The following DGKB variants were observed in gnomAD, a reference collection of about 807,000 sequenced individuals.
DGKB encodes the protein diacylglycerol kinase beta.
In DGKB, 67 loss-of-function variants were observed where a neutral mutation model predicts 114.3. The ratio of observed to expected loss-of-function variants is 0.59; its 90% CI spans 0.48 to 0.72. The LOEUF is 0.72. Ranked by LOEUF, DGKB falls within the 30% of genes least tolerant of loss-of-function variation. The probability of loss-of-function intolerance (pLI) is 0.00; values close to 1 mark genes in which losing one functional copy is unlikely to be tolerated. For synonymous variants in DGKB, 398 were observed against 323.1 expected, an observed-to-expected ratio of 1.23 and a Z score of -2.49; for missense variants, 907 against 975.2, an observed-to-expected ratio of 0.93 and a Z score of 0.93.
intron 1 of DGKB, among the ~76,000 whole-genome samples, chr7:14,957,975 A>C (rs1331629817): frequency 6.6e-6 from 1 of 152,086 alleles, no homozygotes; most frequent in Non-Finnish European, 1.5e-5. Context: ...CAACCTTGTT[A>C]ACAAATAACT....
Position 14,734,020 on chromosome 7 carries a change from CGTGTGTGT to C in DGKB, c.322+2013_322+2020del. On this transcript the variant is annotated intron_variant, in intron 5 of 25. Coordinates refer to ENST00000402815, the MANE Select transcript of DGKB (RefSeq NM_001350709.2). ...TATTGAACTTATCTCTATACCAACACGTGTGTGTGTGTGTGTGTGTGTGTGTGGTGTGT... is the reference window on the plus strand; with the variant it reads ...TATTGAACTTATCTCTATACCAACACGTGTGTGTGTGTGTGTGTGGTGTGT... Among the ~76,000 whole-genome samples, 3 of 148,284 alleles carry C rather than the reference CGTGTGTGT, an allele frequency of 2.0e-5. 1 individual carries two copies. The highest frequency in any genetic ancestry group is 7.4e-5 in the African/African-American group (3 of 40,520).
chr7:14,422,467 A>G (rs1826865100), intron 21 of DGKB, among the ~76,000 whole-genome samples: 1 of 152,072 alleles, frequency 6.6e-6, no homozygotes. Context: ...ACCCATGTAC[A>G]TTTTATTTTG....
intron 21 of DGKB, among the ~76,000 whole-genome samples, chr7:14,433,438 C>T (rs1393831964): frequency 2.0e-5 from 3 of 152,000 alleles, no homozygotes; most frequent in Non-Finnish European, 2.9e-5. Flanking sequence ...TTCAACTGCA[C>T]TTTTACTTGC....
intron 1 of DGKB, among the ~76,000 whole-genome samples, chr7:14,957,515 G>A (rs1330825533): frequency 2.6e-5 from 4 of 152,120 alleles, no homozygotes; most frequent in African/African-American, 9.6e-5. Flanking sequence ...CTACAGAAGT[G>A]TGCCACAATC....
intron 23 of DGKB, among the ~76,000 whole-genome samples, chr7:14,181,975 T>G (rs1782694434): frequency 6.6e-6 from 1 of 152,164 alleles, no homozygotes; most frequent in Non-Finnish European, 1.5e-5. Context: ...TGGATCAAGA[T>G]TCTTAACACA....
Position 14,580,861 on chromosome 7 carries a change from C to T in DGKB, c.1609+1G>A. 6.3e-7 allele frequency: 1 copy of T among 1,598,992 alleles called. No homozygotes were observed. Among genetic ancestry groups the T allele is most frequent in the Non-Finnish European group, 8.5e-7 (1 of 1,170,196 alleles). On this transcript the variant is annotated splice_donor_variant, in intron 19 of 25. Coordinates refer to ENST00000402815, the MANE Select transcript of DGKB (RefSeq NM_001350709.2). LOFTEE classifies it high-confidence loss of function. ...TGCTTTTGTTGTTGCAGCTGCTTTA[C>T]CTCCTCCCCATCGCAGGCATCTTGC...
At chr7:14,323,780 A>T (rs1808243704) in intron 23 of DGKB, among the ~76,000 whole-genome samples, 1 of 152,210 alleles carries the variant, frequency 6.6e-6, no homozygotes, top group Admixed American at 6.5e-5. Context: ...TAAACTATTG[A>T]GTGAATGACT....
chr7:14,441,589 A>G (rs1264908045), intron 21 of DGKB, among the ~76,000 whole-genome samples: 2 of 151,978 alleles, frequency 1.3e-5, no homozygotes, highest in Non-Finnish European at 2.9e-5. Context: ...TATTTTTGTA[A>G]AAGTGTTAAA....
chr7:14,535,160 G>A (rs1258993620), intron 20 of DGKB, among the ~76,000 whole-genome samples: 1 of 152,030 alleles, frequency 6.6e-6, no homozygotes, highest in Non-Finnish European at 1.5e-5. Flanking sequence ...GTTAAGACAA[G>A]GAGTTCAAGA....
At chr7:14,762,500 G>T (rs1458925829) in intron 2 of DGKB, among the ~76,000 whole-genome samples, 6 of 152,060 alleles carry the variant, frequency 3.9e-5, no homozygotes, top group African/African-American at 7.2e-5. Context: ...CTTTACATTA[G>T]TCTGAATTGA....
intron 1 of DGKB, among the ~76,000 whole-genome samples, chr7:14,949,132 A>G (rs1786036331): frequency 6.6e-6 from 1 of 151,890 alleles, no homozygotes; most frequent in African/African-American, 2.4e-5. Context: ...TTTTACAAAT[A>G]CGAAAAAACA....
At chr7:14,674,731 G>A (rs1819563020) in intron 12 of DGKB, among the ~76,000 whole-genome samples, 1 of 152,100 alleles carries the variant, frequency 6.6e-6, no homozygotes, top group East Asian at 1.9e-4. Flanking sequence ...AAGTCCCTCT[G>A]ATAACATAGG....
At chr7:14,574,428 T>C in intron 19 of DGKB, 56 bp from the exon 20 acceptor site, 1 of 1,476,400 alleles carries the variant, frequency 6.8e-7, no homozygotes, top group Non-Finnish European at 9.2e-7. Flanking sequence ...AAAAAAGCTG[T>C]ATTTTTATGT....
At chr7:14,182,477 T>A (rs982900347) in intron 23 of DGKB, among the ~76,000 whole-genome samples, 1 of 152,128 alleles carries the variant, frequency 6.6e-6, no homozygotes, top group African/African-American at 2.4e-5. Context: ...TTATAAATTT[T>A]AAAACATTAT....
Position 14,743,433 on chromosome 7 carries a change from CA to C in DGKB, c.169-7240del, listed in dbSNP as rs533419515. Among the ~76,000 whole-genome samples, 76 of 152,194 alleles carry C rather than the reference CA, an allele frequency of 5.0e-4. 1 individual carries two copies. The highest frequency in any genetic ancestry group is 1.7e-3 in the African/African-American group (70 of 41,542). On this transcript the variant is annotated intron_variant, in intron 4 of 25. Coordinates refer to ENST00000402815, the MANE Select transcript of DGKB (RefSeq NM_001350709.2). ...AAAATAACCAACTGGGATTGTATTT[CA>C]AATTATCAAGTGTTTTAAACCTCTA...
intron 20 of DGKB, among the ~76,000 whole-genome samples, chr7:14,567,848 C>T (rs1243901147): frequency 6.6e-6 from 1 of 151,400 alleles, no homozygotes; most frequent in African/African-American, 2.4e-5. Flanking sequence ...TTCAGGTGAT[C>T]TGCCTTCCTT....
At chr7:14,760,781 G>A (rs776072002) in intron 2 of DGKB, among the ~76,000 whole-genome samples, 53 of 152,114 alleles carry the variant, frequency 3.5e-4, no homozygotes, top group Non-Finnish European at 2.4e-4. Context: ...TGGCCTTTTC[G>A]TTTCAGGTTT....
intron 5 of DGKB, among the ~76,000 whole-genome samples, chr7:14,735,471 G>C (rs1229890394): frequency 1.3e-5 from 2 of 152,120 alleles, no homozygotes; most frequent in East Asian, 3.9e-4. Context: ...GGGTAATACA[G>C]TGAAATCTCT....
chr7:14,486,145 G>C (rs1279841700), intron 20 of DGKB, among the ~76,000 whole-genome samples: 1 of 151,950 alleles, frequency 6.6e-6, no homozygotes, highest in African/African-American at 2.4e-5. Context: ...GTGATACCTG[G>C]GTTATCTGTG....
Sources: gnomAD v4.1 joint callset for allele counts (sites outside exome capture counted in the v4.1 genomes callset) on GRCh38, gnomAD v4.1.1 for gene constraint, MANE v1.5 for transcripts, NCBI Gene and HGNC (gene_info 2026-07-23, HGNC 2026-07-21) for gene names.